RAPGEF2: variants seen among roughly 807,000 people sequenced by gnomAD.
RAPGEF2 encodes PDZ domain containing guanine nucleotide exchange factor (GEF) 1.
In RAPGEF2, 54 loss-of-function variants were observed where a neutral mutation model predicts 186.7. The observed-to-expected ratio is 0.29, with a 90% CI of 0.23 to 0.36. The LOEUF (loss-of-function observed/expected upper bound fraction) is 0.36. Ranked by LOEUF, RAPGEF2 falls within the 10% of genes least tolerant of loss-of-function variation. RAPGEF2 has a pLI of 1.00. For missense variants in RAPGEF2, 1,532 were observed against 2,045.0 expected (o/e 0.75, Z 4.84); for synonymous variants, 712 against 705.9 (o/e 1.01, Z -0.14).
chr4:159,168,771 G>A (rs1050338737), intron 1 of RAPGEF2, among the ~76,000 whole-genome samples: 6 of 152,190 alleles, frequency 3.9e-5, no homozygotes, highest in African/African-American at 1.4e-4. Flanking sequence ...GAAAGAATGA[G>A]AAGTTATGGG....
intron 1 of RAPGEF2, among the ~76,000 whole-genome samples, chr4:159,171,612 G>A (rs549129601): frequency 2.6e-5 from 4 of 152,066 alleles, no homozygotes; most frequent in East Asian, 1.9e-4. Flanking sequence ...CAAATTTTTC[G>A]TTCTATACCA....
intron 1 of RAPGEF2, among the ~76,000 whole-genome samples, chr4:159,158,935 CT>C (rs1744413405): frequency 6.6e-6 from 1 of 152,120 alleles, no homozygotes; most frequent in Non-Finnish European, 1.5e-5. Context: ...ATAGCCGTAG[CT>C]GTATAAGGGC....
intron 4 of RAPGEF2, among the ~76,000 whole-genome samples, chr4:159,237,442 A>G (rs1051008973): frequency 2.0e-5 from 3 of 152,218 alleles, no homozygotes; most frequent in Non-Finnish European, 4.4e-5. Context: ...AATTTATCAT[A>G]TGATGTGGTC....
chr4:159,321,843 CAT>C (rs1765275173), intron 9 of RAPGEF2, among the ~76,000 whole-genome samples: 1 of 152,056 alleles, frequency 6.6e-6, no homozygotes, highest in East Asian at 1.9e-4. Flanking sequence ...TTTATCATAT[CAT>C]GTCGTTAATT....
At chr4:159,131,517 C>CTTTT (rs1279175651) in intron 1 of RAPGEF2, among the ~76,000 whole-genome samples, 2 of 35,398 alleles carry the variant, frequency 5.7e-5, no homozygotes, top group Non-Finnish European at 5.0e-5. Context: ...TGATTAATTG[C>CTTTT]TATTTTTTTT....
chr4:159,132,907 A>T (rs1387443146), intron 1 of RAPGEF2, among the ~76,000 whole-genome samples: 1 of 149,714 alleles, frequency 6.7e-6, no homozygotes, highest in Non-Finnish European at 1.5e-5. Context: ...CATAGTTCAC[A>T]TGTCAAAAAG....
At chr4:159,347,122 T>A in intron 25 of RAPGEF2, 124 bp downstream of exon 25, 4 of 928,180 alleles carry the variant, frequency 4.3e-6, no homozygotes, top group Non-Finnish European at 4.8e-6. Context: ...AATTATTAGC[T>A]CCTAATAAAA....
At chr4:159,340,794 CA>C in intron 19 of RAPGEF2, among the ~76,000 whole-genome samples, 1 of 151,636 alleles carries the variant, frequency 6.6e-6, no homozygotes, top group Admixed American at 6.6e-5. Context: ...CACACACACA[CA>C]CACACACACA....
chr4:159,241,175 T>C lies in RAPGEF2; in HGVS notation c.358-26T>C, dbSNP rs1000729955. On this transcript the variant is annotated intron_variant, in intron 5 of 29. Coordinates refer to ENST00000691494, the MANE Select transcript of RAPGEF2 (RefSeq NM_001394067.2). ...ATAGGAAATGTTGTGTTTGGAGAAATGAAATTTTGGGGGGTTTTATTTCAG... is the reference window on the plus strand; with the variant it reads ...ATAGGAAATGTTGTGTTTGGAGAAACGAAATTTTGGGGGGTTTTATTTCAG... 7 of 1,461,068 alleles carry C rather than the reference T, an allele frequency of 4.8e-6. No individual in the cohort carries two copies. The Admixed American group carries it at 9.1e-5, about 19-fold the overall frequency. 90.5% of individuals were successfully genotyped at this position (1,461,068 alleles called of 1,614,324 possible). A position where few individuals can be genotyped will look rare whatever the true frequency, so the allele number is the denominator to read the frequency against.
At chr4:159,357,138 T>C (rs908111100) in intron 29 of RAPGEF2, among the ~76,000 whole-genome samples, 2 of 152,146 alleles carry the variant, frequency 1.3e-5, no homozygotes, top group East Asian at 3.9e-4. Flanking sequence ...GGTGGGAGGA[T>C]TGCTTGAGGC....
At chr4:159,354,470 C>G (rs1731660618) in intron 28 of RAPGEF2, among the ~76,000 whole-genome samples, 1 of 152,114 alleles carries the variant, frequency 6.6e-6, no homozygotes, top group Admixed American at 6.6e-5. Context: ...GCTTTGTATA[C>G]TTAAAAGTCT....
At chr4:159,279,089 A>G (rs1482268837) in intron 7 of RAPGEF2, among the ~76,000 whole-genome samples, 1 of 152,156 alleles carries the variant, frequency 6.6e-6, no homozygotes, top group East Asian at 1.9e-4. Flanking sequence ...AACAACAGTA[A>G]TGATATCATT....
At chr4:159,199,200 C>T (rs1290037896) in intron 3 of RAPGEF2, among the ~76,000 whole-genome samples, 2 of 152,090 alleles carry the variant, frequency 1.3e-5, no homozygotes, top group Admixed American at 6.5e-5. Flanking sequence ...AGAATTCAAG[C>T]ACATGCACAC....
At chr4:159,352,939 A>C (rs781287911) in intron 27 of RAPGEF2, 29 bp downstream of exon 27, 1 of 1,542,206 alleles carries the variant, frequency 6.5e-7, no homozygotes. Context: ...TATTCTTCTG[A>C]ATTTATCCTT....
At chr4:159,167,770 C>G (rs972033048) in intron 1 of RAPGEF2, among the ~76,000 whole-genome samples, 3 of 152,186 alleles carry the variant, frequency 2.0e-5, no homozygotes, top group Admixed American at 6.5e-5. Flanking sequence ...AAAGAGATCA[C>G]TGGTGATCTT....
At chr4:159,125,925 A>T (rs1740252872) in intron 1 of RAPGEF2, among the ~76,000 whole-genome samples, 1 of 152,164 alleles carries the variant, frequency 6.6e-6, no homozygotes, top group Non-Finnish European at 1.5e-5. Flanking sequence ...GACACTGACC[A>T]CTCAGAATTT....
intron 7 of RAPGEF2, among the ~76,000 whole-genome samples, chr4:159,301,817 TCTCTACA>T (rs1325037108): frequency 6.6e-6 from 1 of 152,122 alleles, no homozygotes; most frequent in Non-Finnish European, 1.5e-5. Flanking sequence ...TATGATTGTG[TCTCTACA>T]CTCTAGCCTG....
chr4:159,147,633 T>A (rs1232839892), intron 1 of RAPGEF2, among the ~76,000 whole-genome samples: 1 of 152,224 alleles, frequency 6.6e-6, no homozygotes, highest in Non-Finnish European at 1.5e-5. Flanking sequence ...ATATTTATGG[T>A]TAGATGTCAG....
At chr4:159,191,515 C>T (rs532930725) in intron 2 of RAPGEF2, among the ~76,000 whole-genome samples, 15 of 152,152 alleles carry the variant, frequency 9.9e-5, no homozygotes, top group South Asian at 2.1e-4. Flanking sequence ...CCAAGGTGGA[C>T]GGATCACGAG....
Sources: gnomAD v4.1 joint callset for allele counts (sites outside exome capture counted in the v4.1 genomes callset) on GRCh38, gnomAD v4.1.1 for gene constraint, MANE v1.5 for transcripts, NCBI Gene and HGNC (gene_info 2026-07-23, HGNC 2026-07-21) for gene names.